MPV17: variants seen among roughly 807,000 people sequenced by gnomAD.
MPV17 encodes the protein mitochondrial inner membrane protein MPV17.
MPV17 carries 31 observed loss-of-function variants against 28.6 expected under a neutral mutation model. The observed-to-expected ratio is 1.08, with a 90% CI of 0.81 to 1.46. MPV17 has a LOEUF of 1.46. Ranked by LOEUF, MPV17 falls within the 40% of genes most tolerant of loss-of-function variation. The pLI is 0.00. For synonymous variants in MPV17, 87 were observed against 85.3 expected (o/e 1.02, Z -0.11); for missense variants, 198 against 216.2 (o/e 0.92, Z 0.53).
intron 2 of MPV17, among the ~76,000 whole-genome samples, chr2:27,316,608 C>T (rs900750319): frequency 6.6e-6 from 1 of 152,240 alleles, no homozygotes; most frequent in Admixed American, 6.5e-5. Flanking sequence ...ATTCAGATTC[C>T]TCATCCCACA....
rs1679670051 is a variant in MPV17, at chr2:27,316,782, G to A, written c.71-3673C>T. ...GCCTGCAGACACATAATGGCCAGAG[G>A]CCTGATGGGGCAGGGCTAGGGGCTG... On this transcript the variant is annotated intron_variant, in intron 2 of 7. Coordinates refer to ENST00000380044, the MANE Select transcript of MPV17 (RefSeq NM_002437.5). 8 of 331,658 alleles carry A rather than the reference G, an allele frequency of 2.4e-5. No homozygotes were observed. The South Asian group carries it at 4.2e-4, about 17-fold the overall frequency. The allele number at this position is 331,658 out of a possible 1,614,324, so 20.5% of individuals were successfully genotyped here.
chr2:27,312,028 C>T, intron 6 of MPV17, 77 bp from the exon 7 acceptor site: 1 of 1,551,456 alleles, frequency 6.4e-7, no homozygotes, highest in Non-Finnish European at 8.9e-7. Flanking sequence ...TGGCCCTACC[C>T]CAACTTCTGC....
rs1261403058 is a variant in MPV17 at position 27,309,912 on chromosome 2, T to G, written c.531A>C (p.Ter177TyrextTer15). The G allele has an allele frequency of 1.9e-6, 3 of 1,613,526 alleles. No homozygotes were observed. The highest frequency in any genetic ancestry group is 2.5e-6 in the Non-Finnish European group (3 of 1,179,472). ...GTGGAAACGATGGAGTGAGGCAGGC[T>G]TAGAGCCGATGTGCCTTCCAGGACA... ...SYLSWKAHRL[*>Y] is the part of the protein sequence containing the mutation. Residue 177 changes from the stop codon to tyrosine, a stop_lost, in exon 8 of 8, where the codon TAA becomes TAC. Transcript: ENST00000380044.
At chr2:27,311,101 A>G (rs1436014372) in intron 7 of MPV17, 1 of 117,578 alleles carries the variant, frequency 8.5e-6, no homozygotes, top group Non-Finnish European at 1.6e-5. Flanking sequence ...CTCTGTCACC[A>G]GGCTGAAATG....
Position 27,311,296 on chromosome 2 carries a change from A to G in MPV17, c.461+603T>C, listed in dbSNP as rs1679430690. ...GGCTGGTGTGAAACTCCTGGACTCA[A>G]GCAAACCTCTTGCCTCAGCCTCCCA... On this transcript the variant is annotated intron_variant, in intron 7 of 7. Transcript: ENST00000380044. 1.5e-5 allele frequency: 6 copies of G among 394,392 alleles called. No individual in the cohort carries two copies. The South Asian group carries it at 1.6e-4, about 11-fold the overall frequency. The allele number at this position is 394,392 out of a possible 1,614,324, so 24.4% of individuals were successfully genotyped here.
At position 27,317,212 on chromosome 2, in the gene MPV17, G is replaced by A. The variant is rs1375814381; in HGVS notation, c.71-4103C>T. ...TATAGCTACTGGCATGGGGCCAGCA[G>A]TGCTGCCTTCCTCCCCAGAAGTCTG... On this transcript the variant is annotated intron_variant, in intron 2 of 7. Coordinates refer to ENST00000380044, the MANE Select transcript of MPV17 (RefSeq NM_002437.5). The surrounding 1 kb of genome is among the most constrained non-coding windows in gnomAD (Gnocchi z 4.0). 2 of 1,549,210 alleles carry A rather than the reference G, an allele frequency of 1.3e-6. No individual in the cohort carries two copies. Among genetic ancestry groups the A allele is most frequent in the Non-Finnish European group, 1.7e-6 (2 of 1,146,408 alleles).
rs1032876602 is a variant in MPV17, at chr2:27,309,570, A to C, written c.*342T>G. 18 of 522,394 alleles carry C rather than the reference A, an allele frequency of 3.4e-5. No homozygotes were observed. The highest frequency in any genetic ancestry group is 3.2e-4 in the African/African-American group (17 of 52,622). 32.4% of individuals were successfully genotyped at this position (522,394 alleles called of 1,614,324 possible). A position where few individuals can be genotyped will look rare whatever the true frequency, so the allele number is the denominator to read the frequency against. ...CGGGAGTCTCTAAAGAGCTGGAGCT[A>C]CAAGAAGCCTAGGCAGGGTTAGAGT... On this transcript the variant is annotated 3_prime_UTR_variant, in exon 8 of 8. Coordinates refer to ENST00000380044, the MANE Select transcript of MPV17 (RefSeq NM_002437.5).
At chr2:27,322,334 A>G in intron 2 of MPV17, 114 bp downstream of exon 2, 1 of 945,484 alleles carries the variant, frequency 1.1e-6, no homozygotes, top group Non-Finnish European at 1.7e-6. Flanking sequence ...AAAGACAGCC[A>G]ACCCTTCAAG....
chr2:27,318,491 G>A (rs1363634139), intron 2 of MPV17, among the ~76,000 whole-genome samples: 1 of 151,996 alleles, frequency 6.6e-6, no homozygotes, highest in Admixed American at 6.6e-5. Flanking sequence ...CTGAGTAGCT[G>A]GGATTACAGG....
chr2:27,320,179 G>GT (rs1046502582), intron 2 of MPV17, among the ~76,000 whole-genome samples: 3 of 151,264 alleles, frequency 2.0e-5, no homozygotes, highest in Admixed American at 2.0e-4. Flanking sequence ...GGAGGTTGCA[G>GT]TGAGTCGAGA....
chr2:27,310,531 T>C (rs1014303559), intron 7 of MPV17, among the ~76,000 whole-genome samples: 1 of 152,374 alleles, frequency 6.6e-6, no homozygotes, highest in African/African-American at 2.4e-5. Context: ...TTGCCATGCA[T>C]AGCTCTGTTA....
rs894411435 is a variant in MPV17, at chr2:27,316,979, C to A, written c.71-3870G>T. The A allele has an allele frequency of 9.1e-6, 11 of 1,205,370 alleles. No homozygotes were observed. The South Asian group carries it at 1.5e-4, about 17-fold the overall frequency. 74.7% of individuals were successfully genotyped at this position (1,205,370 alleles called of 1,614,324 possible). A position where few individuals can be genotyped will look rare whatever the true frequency, so the allele number is the denominator to read the frequency against. On this transcript the variant is annotated intron_variant, in intron 2 of 7. Transcript: ENST00000380044. ...CTCTGAGCAGATCAATTTGGGACCA[C>A]TTCCTGCCCACTAGTGGAAAAGCCC... is the stretch of plus-strand genomic sequence containing the variant.
chr2:27,319,882 C>T (rs1339448431), intron 2 of MPV17, among the ~76,000 whole-genome samples: 2 of 147,910 alleles, frequency 1.4e-5, no homozygotes, highest in African/African-American at 5.0e-5. Flanking sequence ...GCTGATATAG[C>T]ACCACCACTC....
chr2:27,309,906 G>A lies in MPV17; in HGVS notation c.*6C>T. On this transcript the variant is annotated 3_prime_UTR_variant, in exon 8 of 8. Transcript: ENST00000380044. ...TGCAAGGTGGAAACGATGGAGTGAG[G>A]CAGGCTTAGAGCCGATGTGCCTTCC... 1 of 1,612,506 alleles carries A rather than the reference G, an allele frequency of 6.2e-7. No homozygotes were observed. Among genetic ancestry groups the A allele is most frequent in the Non-Finnish European group, 8.5e-7 (1 of 1,178,530 alleles).
chr2:27,310,723 A>C (rs1372454257), intron 7 of MPV17, among the ~76,000 whole-genome samples: 1 of 152,188 alleles, frequency 6.6e-6, no homozygotes, highest in East Asian at 1.9e-4. Context: ...GATTTGGTTC[A>C]TAAGTCTGTA....
intron 7 of MPV17, chr2:27,311,462 G>A: frequency 2.3e-6 from 2 of 883,130 alleles, no homozygotes; most frequent in Admixed American, 5.2e-5. Context: ...TCACCTTCAA[G>A]CATTTGAACC....
chr2:27,312,714 T>C lies in MPV17; in HGVS notation c.245A>G (p.Lys82Arg). 6.2e-7 allele frequency: 1 copy of C among 1,614,208 alleles called. No individual in the cohort carries two copies. The highest frequency in any genetic ancestry group is 8.5e-7 in the Non-Finnish European group (1 of 1,180,042). ...VLDRFIPGTT[K>R]VDALKKMLLD... Reference sequence around the variant, plus strand: ...CAACATCTTCTTCAGTGCATCCACTTTGGTGGTGCCAGGGATGAACCGATC... The same window carrying C: ...CAACATCTTCTTCAGTGCATCCACTCTGGTGGTGCCAGGGATGAACCGATC... The change falls in exon 4 of 8, where the codon AAA (lysine) becomes AGA (arginine). Residue 82 changes from lysine to arginine, a missense_variant. Lys to Arg is a conservative substitution (Grantham distance 26, BLOSUM62 2). Transcript: ENST00000380044.
chr2:27,311,961 A>C lies in MPV17; in HGVS notation c.409-10T>G, dbSNP rs1359769143. The C allele has an allele frequency of 6.2e-7, 1 of 1,613,232 alleles. No homozygotes were observed. Among genetic ancestry groups the C allele is most frequent in the East Asian group, 2.2e-5 (1 of 44,870 alleles). On this transcript the variant is annotated splice_polypyrimidine_tract_variant and intron_variant, in intron 6 of 7. Transcript: ENST00000380044. ...GCACAGCAGGCCATAGCTGCAAGAG[A>C]AAATGTAAAGGTTGGATGGCTGCCC...
At position 27,317,687 on chromosome 2, in the gene MPV17, C is replaced by T. The variant is rs1679706699; in HGVS notation, c.71-4578G>A. On this transcript the variant is annotated intron_variant, in intron 2 of 7. Transcript: ENST00000380044. This position sits in a 1 kb window ranked among gnomAD's most constrained non-coding sequence, Gnocchi z 4.0. ...CCAGGGAAACCAGTATTTGTAAGAG[C>T]TCAGCTGCTCCCACAGCAGGACCGA... 6.6e-6 allele frequency among the ~76,000 whole-genome samples: 1 copy of T among 152,182 alleles called. No individual in the cohort carries two copies. Among genetic ancestry groups the T allele is most frequent in the African/African-American group, 2.4e-5 (1 of 41,446 alleles).
Sources: allele counts gnomAD v4.1 joint callset (sites outside exome capture counted in the v4.1 genomes callset), GRCh38; gene constraint gnomAD v4.1.1; non-coding constraint Gnocchi (gnomAD v3.1); transcripts MANE v1.5; gene names NCBI Gene and HGNC (gene_info 2026-07-23, HGNC 2026-07-21).